The following SNX29 variants were observed in gnomAD, a reference collection of about 807,000 sequenced individuals.
SNX29 encodes sorting nexin-29.
A neutral mutation model predicts 102.1 loss-of-function variants in SNX29; 78 were observed. The ratio of observed to expected loss-of-function variants is 0.76; its 90% CI spans 0.64 to 0.92. The LOEUF (loss-of-function observed/expected upper bound fraction) is 0.92. Among genes scored for constraint, SNX29 ranks in the 40% least tolerant of loss-of-function variants. The pLI is 0.00. For missense variants in SNX29, 1,280 were observed against 1,061.7 expected, an observed-to-expected ratio of 1.21 and a Z score of -2.86; for synonymous variants, 580 against 414.5, an observed-to-expected ratio of 1.40 and a Z score of -4.85.
At chr16:12,157,615 A>G (rs573463126) in intron 13 of SNX29, among the ~76,000 whole-genome samples, 3 of 152,250 alleles carry the variant, frequency 2.0e-5, no homozygotes, top group Non-Finnish European at 4.4e-5. Context: ...GTTATGAAGC[A>G]GGCTTGATTT....
chr16:12,455,177 C>T (rs371952382), intron 18 of SNX29, among the ~76,000 whole-genome samples: 4 of 152,316 alleles, frequency 2.6e-5, no homozygotes, highest in African/African-American at 9.6e-5. Flanking sequence ...CGACCTGAGT[C>T]TGTTAGCCAG....
intron 16 of SNX29, among the ~76,000 whole-genome samples, chr16:12,386,081 A>T (rs1030387306): frequency 6.6e-6 from 1 of 152,208 alleles, no homozygotes; most frequent in East Asian, 1.9e-4. Flanking sequence ...GACTGGCTGC[A>T]CACGGAGACT....
chr16:12,486,744 C>T (rs1000838371), intron 19 of SNX29, among the ~76,000 whole-genome samples: 4 of 152,152 alleles, frequency 2.6e-5, no homozygotes, highest in South Asian at 2.1e-4. Context: ...GAGCAGGGGG[C>T]GGGTGAGGAG....
chr16:12,451,404 G>A (rs1218693387), intron 18 of SNX29, among the ~76,000 whole-genome samples: 3 of 152,226 alleles, frequency 2.0e-5, no homozygotes, highest in South Asian at 2.1e-4. Context: ...TGATTGCCGA[G>A]TAGGAGCCTC....
chr16:12,472,034 C>T (rs1195629915), intron 18 of SNX29, among the ~76,000 whole-genome samples: 1 of 152,226 alleles, frequency 6.6e-6, no homozygotes, highest in East Asian at 1.9e-4. Context: ...CAACTTGAAA[C>T]AACCTAAATG....
chr16:12,089,768 CT>C, intron 11 of SNX29: 1 of 325,830 alleles, frequency 3.1e-6, no homozygotes, highest in South Asian at 2.4e-5. Flanking sequence ...GATTTACTCA[CT>C]TCCTCTTGCG....
At chr16:12,189,676 C>T (rs1469161342) in intron 13 of SNX29, among the ~76,000 whole-genome samples, 4 of 152,014 alleles carry the variant, frequency 2.6e-5, no homozygotes, top group African/African-American at 7.2e-5. Flanking sequence ...CTCGAAATAC[C>T]CTATTATGCA....
intron 20 of SNX29, among the ~76,000 whole-genome samples, chr16:12,540,442 C>G (rs913646881): frequency 6.6e-6 from 1 of 152,212 alleles, no homozygotes; most frequent in African/African-American, 2.4e-5. Flanking sequence ...GCTGTGGAGG[C>G]CAGAAGTCCG....
intron 19 of SNX29, among the ~76,000 whole-genome samples, chr16:12,513,368 C>T (rs1050976259): frequency 1.3e-5 from 2 of 151,242 alleles, no homozygotes; most frequent in Non-Finnish European, 2.9e-5. Flanking sequence ...CCTCAGCCTT[C>T]CTCTGCCCTG....
At chr16:12,110,278 TG>T (rs2053450776) in intron 11 of SNX29, among the ~76,000 whole-genome samples, 1 of 152,126 alleles carries the variant, frequency 6.6e-6, no homozygotes, top group Admixed American at 6.6e-5. Flanking sequence ...CTTTATTTCC[TG>T]GGGTGAGGCA....
At chr16:12,554,400 C>T (rs571923108) in intron 20 of SNX29, among the ~76,000 whole-genome samples, 30 of 152,270 alleles carry the variant, frequency 2.0e-4, no homozygotes, top group African/African-American at 7.2e-4. Flanking sequence ...CATGGGTGTG[C>T]ATCGTCTTCT....
At chr16:12,077,617 C>G (rs1034972546) in intron 10 of SNX29, among the ~76,000 whole-genome samples, 6 of 152,094 alleles carry the variant, frequency 3.9e-5, no homozygotes, top group Admixed American at 2.6e-4. Flanking sequence ...CTTTGAGGCT[C>G]TGGTCACACA....
chr16:12,380,472 C>A (rs1349619590), intron 16 of SNX29, among the ~76,000 whole-genome samples: 1 of 124,218 alleles, frequency 8.1e-6, no homozygotes, highest in Non-Finnish European at 1.8e-5. Context: ...ACCCACCATC[C>A]ATCCACCCAC....
chr16:12,317,138 C>G lies in SNX29; in HGVS notation c.1783-39025C>G, dbSNP rs1046222242. On this transcript the variant is annotated intron_variant, in intron 15 of 20. Coordinates refer to ENST00000566228, the MANE Select transcript of SNX29 (RefSeq NM_032167.5). The stretch of plus-strand genomic sequence containing the variant: ...TTCCACTTTCCTATTGTACAGGCAC[C>G]CAGGACCTTGGAGAAGGGAGTGGCG... Among the ~76,000 whole-genome samples the G allele has an allele frequency of 2.0e-5, 3 of 152,294 alleles. No homozygotes were observed. The East Asian group carries it at 5.8e-4, about 29-fold the overall frequency.
rs535880747 is a variant in SNX29, at chr16:12,521,006, C to T, written c.2179-3696C>T. Among the ~76,000 whole-genome samples the T allele has an allele frequency of 6.6e-5, 10 of 152,048 alleles. No individual in the cohort carries two copies. The South Asian group carries it at 1.7e-3, about 25-fold the overall frequency. Reference sequence around the variant, plus strand: ...TTGAAGTCAGGAGTTCGAGAACAGTCGTCACTAGTAAAAATACAAAAATTA... The same window carrying T: ...TTGAAGTCAGGAGTTCGAGAACAGTTGTCACTAGTAAAAATACAAAAATTA... On this transcript the variant is annotated intron_variant, in intron 19 of 20. Coordinates refer to ENST00000566228, the MANE Select transcript of SNX29 (RefSeq NM_032167.5).
chr16:12,359,674 G>T (rs1283176592), intron 16 of SNX29, among the ~76,000 whole-genome samples: 3 of 152,028 alleles, frequency 2.0e-5, no homozygotes, highest in Non-Finnish European at 4.4e-5. Flanking sequence ...TCAACTCAAG[G>T]TCATTCTTGC....
intron 15 of SNX29, among the ~76,000 whole-genome samples, chr16:12,281,892 G>T (rs2079442048): frequency 6.6e-6 from 1 of 151,928 alleles, no homozygotes. Flanking sequence ...CCAACACGGG[G>T]AAACTATGTC....
At chr16:12,529,064 A>G (rs1052161119) in intron 20 of SNX29, among the ~76,000 whole-genome samples, 1 of 152,256 alleles carries the variant, frequency 6.6e-6, no homozygotes, top group Non-Finnish European at 1.5e-5. Flanking sequence ...GTAATCTGCC[A>G]TCTGCACAAA....
chr16:12,448,054 G>A (rs899136435), intron 18 of SNX29, among the ~76,000 whole-genome samples: 1 of 152,222 alleles, frequency 6.6e-6, no homozygotes, highest in Non-Finnish European at 1.5e-5. Context: ...GATTGTGGAT[G>A]TATGAGGCCT....
Sources: allele counts gnomAD v4.1 joint callset (sites outside exome capture counted in the v4.1 genomes callset), GRCh38; gene constraint gnomAD v4.1.1; transcripts MANE v1.5; gene names NCBI Gene and HGNC (gene_info 2026-07-23, HGNC 2026-07-21).